SEC23B: variants seen among roughly 807,000 people sequenced by gnomAD.
SEC23B encodes the protein SEC23 homolog B, COPII component.
Under a neutral mutation model 104.3 loss-of-function variants are expected in SEC23B, and 77 were observed. The ratio of observed to expected loss-of-function variants is 0.74; its 90% confidence interval spans 0.61 to 0.89. SEC23B has a LOEUF of 0.89. Among genes scored for constraint, SEC23B ranks in the 40% least tolerant of loss-of-function variants. The pLI is 0.00. For missense variants in SEC23B, 885 were observed against 949.4 expected (o/e 0.93, Z 0.89); for synonymous variants, 338 against 332.5 (o/e 1.02, Z -0.18).
intron 4 of SEC23B, among the ~76,000 whole-genome samples, chr20:18,518,589 T>TTTTTTG (rs2060054109): frequency 3.0e-5 from 4 of 135,362 alleles, no homozygotes; most frequent in East Asian, 2.0e-4. Flanking sequence ...GAGGTTTTTT[T>TTTTTTG]TTTTTTTTTT....
chr20:18,538,760 G>A (rs555663879), intron 12 of SEC23B, among the ~76,000 whole-genome samples: 33 of 152,278 alleles, frequency 2.2e-4, no homozygotes, highest in Admixed American at 1.4e-3. Context: ...CATTTCAACA[G>A]TGTCACAGCA....
Position 18,560,673 on chromosome 20 carries a change from C to G in SEC23B, c.2237C>G (p.Thr746Ser), listed in dbSNP as rs1600288964. ...CAGGAAACTGGAGCACCCATCCTAA[C>G]TGATGATGTTAGCCTGCAGGTGTTC... ...WGQETGAPILTDDVSLQVFMD... is the reference protein window; with the variant it reads ...WGQETGAPILSDDVSLQVFMD... The change falls in exon 20 of 20, where the codon ACT (threonine) becomes AGT (serine). Residue 746 changes from threonine to serine, a missense_variant. Thr to Ser is a moderately conservative substitution (Grantham distance 58, BLOSUM62 1). Transcript: ENST00000650089. 1 of 1,613,910 alleles carries G rather than the reference C, an allele frequency of 6.2e-7. No individual in the cohort carries two copies. Among genetic ancestry groups the G allele is most frequent in the African/African-American group, 1.3e-5 (1 of 74,940 alleles).
rs564166438 is a variant in SEC23B at position 18,521,865 on chromosome 20, C to T, written c.367-2568C>T. ...ACCAATGTGTAAAAGAATGCCTGGA[C>T]GTCAGGCACCTCAGACCATTTGCCC... On this transcript the variant is annotated intron_variant, in intron 4 of 19. Coordinates refer to ENST00000650089, the MANE Select transcript of SEC23B (RefSeq NM_006363.6). Among the ~76,000 whole-genome samples the T allele has an allele frequency of 6.6e-5, 10 of 152,176 alleles. No individual in the cohort carries two copies. The South Asian group carries it at 2.1e-3, about 32-fold the overall frequency.
intron 4 of SEC23B, among the ~76,000 whole-genome samples, chr20:18,516,170 T>C (rs2060022656): frequency 6.6e-6 from 1 of 152,020 alleles, no homozygotes; most frequent in Admixed American, 6.5e-5. Context: ...TCCTTCTTAC[T>C]TGAATCTTCT....
At chr20:18,532,822 A>G (rs2060199074) in intron 11 of SEC23B, 78 bp downstream of exon 11, 2 of 997,966 alleles carry the variant, frequency 2.0e-6, no homozygotes, top group Non-Finnish European at 3.2e-6. Context: ...TGATGATCTC[A>G]CATGTGTCAC....
rs398035473 is a variant in SEC23B, at chr20:18,508,716, C to CTTTTTTTTTT, written c.-15+756_-15+765dup. Among the ~76,000 whole-genome samples the CTTTTTTTTTT allele has an allele frequency of 2.8e-4, 27 of 97,480 alleles. 1 individual carries two copies. Among genetic ancestry groups the CTTTTTTTTTT allele is most frequent in the Admixed American group, 6.5e-4 (5 of 7,714 alleles). 64.0% of individuals were successfully genotyped at this position (97,480 alleles called of 152,430 possible). ...AACCATTAGATGGAGGCAGTAGCTT[C>CTTTTTTTTTT]TTTTTTTTTTTTTTTTTTTTTGAGA... On this transcript the variant is annotated intron_variant, in intron 1 of 19. Transcript: ENST00000650089.
intron 16 of SEC23B, among the ~76,000 whole-genome samples, chr20:18,550,761 G>A (rs1285252437): frequency 6.6e-6 from 1 of 151,840 alleles, no homozygotes; most frequent in Non-Finnish European, 1.5e-5. Context: ...GGAGGTCGAA[G>A]CTGCAGTGAG....
chr20:18,507,755 C>G (rs4813333), upstream of SEC23B: 126,500 of 152,388 alleles, frequency 0.83, 53,630 homozygotes, highest in Non-Finnish European at 0.93. Flanking sequence ...TGAAGTGCGA[C>G]ATACACCTGT....
In SEC23B at chr20:18,531,540, C is replaced by A. The variant is rs190689292; in HGVS notation, c.1233+737C>A. Among the ~76,000 whole-genome samples, 753 of 151,360 alleles carry A rather than the reference C, an allele frequency of 5.0e-3. 8 individuals are homozygous for A. The highest frequency in any genetic ancestry group is 0.017 in the African/African-American group (720 of 41,242). ...GCGTGGTGGCACATGCCTGTAGCCC[C>A]AGCTACTTGGGAGGCTGAGGCAGGA... On this transcript the variant is annotated intron_variant, in intron 10 of 19. Coordinates refer to ENST00000650089, the MANE Select transcript of SEC23B (RefSeq NM_006363.6).
At chr20:18,525,059 G>T (rs765998362) in intron 6 of SEC23B, 39 bp downstream of exon 6, 1 of 1,543,668 alleles carries the variant, frequency 6.5e-7, no homozygotes, top group East Asian at 2.2e-5. Context: ...TATTGTGATG[G>T]ACATGCAGAT....
intron 14 of SEC23B, among the ~76,000 whole-genome samples, chr20:18,545,351 C>G (rs919619145): frequency 6.6e-6 from 1 of 152,092 alleles, no homozygotes. Context: ...GAGAAAGTTT[C>G]GAGACATTTG....
At chr20:18,547,942 T>A (rs553517041) in intron 15 of SEC23B, among the ~76,000 whole-genome samples, 26 of 152,278 alleles carry the variant, frequency 1.7e-4, no homozygotes, top group East Asian at 5.8e-4. Flanking sequence ...TGTATTTTTT[T>A]AAAAATTTTT....
At chr20:18,537,117 A>C (rs571865209) in intron 12 of SEC23B, among the ~76,000 whole-genome samples, 2 of 152,236 alleles carry the variant, frequency 1.3e-5, no homozygotes, top group African/African-American at 2.4e-5. Flanking sequence ...ATGTGGAGAA[A>C]TAGGAACACT....
chr20:18,548,020 C>T (rs2060349506), intron 15 of SEC23B, among the ~76,000 whole-genome samples: 1 of 152,096 alleles, frequency 6.6e-6, no homozygotes, highest in African/African-American at 2.4e-5. Context: ...GGCCTGATCT[C>T]AGCTCACCGC....
At chr20:18,529,147 A>T (rs1261722455) in intron 9 of SEC23B, among the ~76,000 whole-genome samples, 1 of 152,264 alleles carries the variant, frequency 6.6e-6, no homozygotes. Flanking sequence ...GCTGGAAAAG[A>T]TTAAGCTGAA....
intron 19 of SEC23B, among the ~76,000 whole-genome samples, chr20:18,557,409 G>A (rs552118286): frequency 6.6e-6 from 1 of 151,980 alleles, no homozygotes; most frequent in East Asian, 1.9e-4. Context: ...CAAAGTGCTG[G>A]GATTATAGGC....
At chr20:18,544,447 AT>A (rs1343527017) in intron 14 of SEC23B, among the ~76,000 whole-genome samples, 1 of 152,204 alleles carries the variant, frequency 6.6e-6, no homozygotes, top group Non-Finnish European at 1.5e-5. Flanking sequence ...TACAGAATTA[AT>A]TGGAGAAGGG....
At chr20:18,551,263 T>A in intron 17 of SEC23B, 88 bp downstream of exon 17, 1 of 739,392 alleles carries the variant, frequency 1.4e-6, no homozygotes, top group Non-Finnish European at 2.3e-6. Flanking sequence ...CAAGGAGAAT[T>A]ATTGTCCTTA....
intron 19 of SEC23B, 55 bp downstream of exon 19, chr20:18,555,228 T>G: frequency 2.8e-6 from 4 of 1,406,864 alleles, no homozygotes; most frequent in Non-Finnish European, 4.0e-6. Context: ...TTTTTAAACT[T>G]GTTTTAAAAT....
Sources: gnomAD v4.1 joint callset for allele counts (sites outside exome capture counted in the v4.1 genomes callset) on GRCh38, gnomAD v4.1.1 for gene constraint, MANE v1.5 for transcripts, NCBI Gene and HGNC (gene_info 2026-07-23, HGNC 2026-07-21) for gene names.